The following ARPC4 variants were observed in gnomAD, a reference collection of about 807,000 sequenced individuals.
ARPC4 encodes actin-related protein 2/3 complex subunit 4.
In ARPC4, 3 loss-of-function variants were observed where a neutral mutation model predicts 22.8. The ratio of observed to expected loss-of-function variants is 0.13; its 90% CI spans 0.06 to 0.34. ARPC4 has a LOEUF of 0.34. Ranked by LOEUF, ARPC4 falls within the 10% of genes least tolerant of loss-of-function variation. The pLI is 1.00. For synonymous variants in ARPC4, 80 were observed against 72.5 expected, an observed-to-expected ratio of 1.10 and a Z score of -0.52; for missense variants, 98 against 211.0, an observed-to-expected ratio of 0.46 and a Z score of 3.32.
chr3:9,798,463 T>C (rs1448916837), intron 2 of ARPC4, among the ~76,000 whole-genome samples: 1 of 152,134 alleles, frequency 6.6e-6, no homozygotes, highest in Non-Finnish European at 1.5e-5. Context: ...GGCACATGCC[T>C]GTAGTCCCAC....
chr3:9,801,872 G>A (rs1575331332), intron 4 of ARPC4, 116 bp downstream of exon 4: 1 of 1,061,254 alleles, frequency 9.4e-7, no homozygotes, highest in East Asian at 2.8e-5. Flanking sequence ...TGAATTGAGA[G>A]TTGGCCTTCA....
At position 9,793,126 on chromosome 3, in the gene ARPC4, T is replaced by TGA. The variant is rs928791346; in HGVS notation, c.3+8_3+9dup. On this transcript the variant is annotated splice_region_variant and intron_variant, in intron 1 of 5. Transcript: ENST00000397261. Reference sequence around the variant, plus strand: ...CCGGCCCAGCCAGCGCCCGCGATGGTGAGAGAGCCGGGCCCCCGGCCAGGG... The same window carrying TGA: ...CCGGCCCAGCCAGCGCCCGCGATGGTGAGAGAGAGCCGGGCCCCCGGCCAGGG... 1 of 1,543,236 alleles carries TGA rather than the reference T, an allele frequency of 6.5e-7. No homozygotes were observed. Among genetic ancestry groups the TGA allele is most frequent in the Admixed American group, 2.0e-5 (1 of 50,266 alleles).
At chr3:9,802,204 C>CTGCA (rs912088962) in intron 4 of ARPC4, among the ~76,000 whole-genome samples, 1 of 114,840 alleles carries the variant, frequency 8.7e-6, no homozygotes, top group Non-Finnish European at 1.6e-5. Context: ...TGCCACTGTA[C>CTGCA]TGCAGCCTGG....
Position 9,803,950 on chromosome 3 carries a change from C to T in ARPC4, c.438C>T (p.Ile146=). 4 of 1,614,190 alleles carry T rather than the reference C, an allele frequency of 2.5e-6. No homozygotes were observed. The highest frequency in any genetic ancestry group is 3.4e-6 in the Non-Finnish European group (4 of 1,180,042). Residue 146 remains isoleucine (I), a synonymous_variant, in exon 5 of 6, where the codon ATC becomes ATT. Transcript: ENST00000397261. The part of the protein sequence containing the change: ...IHFMEEIDKE[I]SEMKLSVNAR... ...TCATGGAGGAGATTGACAAGGAGAT[C>T]AGTGAGATGAAGCTGTCAGTCAATG...
upstream of ARPC4, chr3:9,792,904 T>C: frequency 7.2e-7 from 1 of 1,397,042 alleles, no homozygotes; most frequent in African/African-American, 1.5e-5. Flanking sequence ...GCTTAAATAG[T>C]GACTCGAGTG....
chr3:9,804,400 C>T (rs1194733187), intron 5 of ARPC4, among the ~76,000 whole-genome samples: 1 of 152,210 alleles, frequency 6.6e-6, no homozygotes, highest in Non-Finnish European at 1.5e-5. Context: ...TTCCACTTCT[C>T]AAATAGACTT....
At chr3:9,792,712 G>A (rs1575313838), upstream of ARPC4, 3 of 1,234,434 alleles carry the variant, frequency 2.4e-6, no homozygotes, top group Non-Finnish European at 2.0e-6. Context: ...GCGGGTAGGA[G>A]GGGCGAGAGA....
chr3:9,793,155 C>G (rs561578724), intron 1 of ARPC4, 31 bp downstream of exon 1: 1 of 1,536,350 alleles, frequency 6.5e-7, no homozygotes, highest in Non-Finnish European at 8.8e-7. Flanking sequence ...GCCAGGGACC[C>G]CCGGCTGTTC....
chr3:9,798,338 CT>C, intron 2 of ARPC4, among the ~76,000 whole-genome samples: 1 of 152,132 alleles, frequency 6.6e-6, no homozygotes, highest in African/African-American at 2.4e-5. Context: ...AATCCGAGCA[CT>C]TTAGGAGGCT....
chr3:9,803,449 A>G, intron 4 of ARPC4: 1 of 458,170 alleles, frequency 2.2e-6, no homozygotes, highest in Non-Finnish European at 4.4e-6. Context: ...TTCCTCCCAC[A>G]GCCCTCCAGC....
At chr3:9,799,586 G>T (rs1183313392) in intron 2 of ARPC4, among the ~76,000 whole-genome samples, 2 of 152,062 alleles carry the variant, frequency 1.3e-5, no homozygotes, top group Non-Finnish European at 2.9e-5. Context: ...GGGATTATAG[G>T]AGTGCGCCAC....
chr3:9,796,738 G>A (rs1012008418), intron 1 of ARPC4, among the ~76,000 whole-genome samples: 1 of 152,086 alleles, frequency 6.6e-6, no homozygotes, highest in Non-Finnish European at 1.5e-5. Context: ...TCAGGAGATT[G>A]AGACCATCCT....
At chr3:9,793,047 C>T (rs2078782980), upstream of ARPC4, 1 of 1,543,844 alleles carries the variant, frequency 6.5e-7, no homozygotes, top group Non-Finnish European at 8.7e-7. Context: ...CGTAGCTGCG[C>T]TTCTCGCGAA....
intron 1 of ARPC4, among the ~76,000 whole-genome samples, chr3:9,795,695 A>T (rs1342359008): frequency 6.6e-6 from 1 of 152,178 alleles, no homozygotes; most frequent in Non-Finnish European, 1.5e-5. Flanking sequence ...GAGACACTGT[A>T]TATGTTAGGT....
chr3:9,797,754 C>T lies in ARPC4; in HGVS notation c.99C>T (p.His33=). The change falls in exon 2 of 6, where the codon CAC becomes CAT. Residue 33 remains histidine, a synonymous_variant. Transcript: ENST00000397261. ...ENFSSQVVER[H]NKPEVEVRSS... is the part of the protein sequence containing the mutation. ...TCTCCTCCCAGGTTGTGGAACGACA[C>T]AACAAGCCGGAAGTGGAAGTCAGGT... 6.2e-7 allele frequency: 1 copy of T among 1,614,052 alleles called. No individual in the cohort carries two copies.
intron 1 of ARPC4, among the ~76,000 whole-genome samples, chr3:9,795,046 C>G (rs2078853037): frequency 6.6e-6 from 1 of 152,086 alleles, no homozygotes; most frequent in Non-Finnish European, 1.5e-5. Flanking sequence ...CGCTCTGTCA[C>G]CCAGGCTGGA....
intron 5 of ARPC4, among the ~76,000 whole-genome samples, chr3:9,805,520 C>T (rs1051500109): frequency 1.3e-5 from 2 of 152,224 alleles, no homozygotes; most frequent in Admixed American, 1.3e-4. Context: ...GCGCATGCCT[C>T]ATGTGCAGGG....
chr3:9,806,577 T>C lies in ARPC4; in HGVS notation c.*362T>C, dbSNP rs2079110208. On this transcript the variant is annotated 3_prime_UTR_variant, in exon 6 of 6. Transcript: ENST00000397261. The stretch of plus-strand genomic sequence containing the variant: ...AGTGGCTGTGACTGGTCCCAGTGAT[T>C]ATACGTTATTGGTTGCTGTGGGTCT... The C allele has an allele frequency of 3.1e-6, 1 of 318,014 alleles. No homozygotes were observed. The highest frequency in any genetic ancestry group is 5.9e-6 in the Non-Finnish European group (1 of 170,054). The allele number at this position is 318,014 out of a possible 1,614,324, so 19.7% of individuals were successfully genotyped here.
At chr3:9,806,078 G>A in intron 5 of ARPC4, 132 bp from the exon 6 acceptor site, 3 of 1,046,026 alleles carry the variant, frequency 2.9e-6, no homozygotes, top group African/African-American at 1.6e-5. Context: ...ACCACAAGGT[G>A]TCCTGGGACC....
Sources: gnomAD v4.1 joint callset for allele counts (sites outside exome capture counted in the v4.1 genomes callset) on GRCh38, gnomAD v4.1.1 for gene constraint, MANE v1.5 for transcripts, NCBI Gene and HGNC (gene_info 2026-07-23, HGNC 2026-07-21) for gene names.